The following DHRSX variants were observed in gnomAD, a reference collection of about 807,000 sequenced individuals.
DHRSX encodes the protein dehydrogenase/reductase X-linked, also known as polyprenol dehydrogenase.
In DHRSX, 31 loss-of-function variants were observed where a neutral mutation model predicts 34.0. That is an observed-to-expected ratio of 0.91 (90% CI 0.69 to 1.23). The LOEUF is 1.23. Among genes scored for constraint, DHRSX ranks in the 50% most tolerant of loss-of-function variants. The pLI is 0.00. For missense variants in DHRSX, 414 were observed against 428.1 expected (o/e 0.97, Z 0.29); for synonymous variants, 201 against 183.8 (o/e 1.09, Z -0.76).
intron 3 of DHRSX, among the ~76,000 whole-genome samples, chrX:2,363,736 C>CCACCA (rs2042966690): frequency 6.6e-6 from 1 of 151,768 alleles, no homozygotes; most frequent in African/African-American, 2.4e-5. Flanking sequence ...TGGTATCATG[C>CCACCA]TTCCATTTTA....
chrX:2,392,818 GAC>G (rs903456642), intron 3 of DHRSX, among the ~76,000 whole-genome samples: 31 of 53,904 alleles, frequency 5.8e-4, no homozygotes, highest in African/African-American at 2.3e-3. Flanking sequence ...TATTTATAAT[GAC>G]ACAAATATAA....
At chrX:2,479,514 C>T (rs2044737027) in intron 1 of DHRSX, among the ~76,000 whole-genome samples, 1 of 151,468 alleles carries the variant, frequency 6.6e-6, no homozygotes. Flanking sequence ...GAAGACATTC[C>T]GTAAGAATGC....
chrX:2,465,809 C>CAA lies in DHRSX; in HGVS notation c.109+35006_109+35007dup, dbSNP rs375728172. ...GGGCAACAAGAGCAAAACTCCATCG[C>CAA]AAAAAAAAAAAAAAAAAGAGAAAAG... is the stretch of plus-strand genomic sequence containing the variant. On this transcript the variant is annotated intron_variant, in intron 1 of 6. Transcript: ENST00000334651. Among the ~76,000 whole-genome samples, 70 of 84,710 alleles carry CAA rather than the reference C, an allele frequency of 8.3e-4. 1 individual carries two copies. Among genetic ancestry groups the CAA allele is most frequent in the African/African-American group, 2.7e-3 (60 of 22,150 alleles). 55.6% of individuals were successfully genotyped at this position (84,710 alleles called of 152,430 possible).
chrX:2,459,567 T>C (rs2044371603), intron 1 of DHRSX, among the ~76,000 whole-genome samples: 1 of 147,844 alleles, frequency 6.8e-6, no homozygotes, highest in Non-Finnish European at 1.5e-5. Context: ...TATATATATA[T>C]ATATATATAT....
At chrX:2,324,418 C>T (rs1235280168) in intron 3 of DHRSX, among the ~76,000 whole-genome samples, 2 of 152,196 alleles carry the variant, frequency 1.3e-5, no homozygotes, top group Non-Finnish European at 2.9e-5. Flanking sequence ...GCCCCCACTT[C>T]TTCAGCCTTC....
chrX:2,327,656 C>T (rs1331827931), intron 3 of DHRSX, among the ~76,000 whole-genome samples: 1 of 152,176 alleles, frequency 6.6e-6, no homozygotes, highest in Non-Finnish European at 1.5e-5. Context: ...TCCCAAATCC[C>T]TATGTTAAAG....
chrX:2,354,456 T>A (rs1004089943), intron 3 of DHRSX, among the ~76,000 whole-genome samples: 3 of 152,130 alleles, frequency 2.0e-5, no homozygotes, highest in Non-Finnish European at 2.9e-5. Flanking sequence ...TCCCTGCCCA[T>A]CCATCTTTTT....
chrX:2,312,321 AGGGAT>A (rs1252671645), intron 3 of DHRSX, among the ~76,000 whole-genome samples: 8 of 152,170 alleles, frequency 5.3e-5, no homozygotes, highest in Admixed American at 1.3e-4. Flanking sequence ...AATTAGAGTC[AGGGAT>A]GTTCGCTTCC....
intron 3 of DHRSX, among the ~76,000 whole-genome samples, chrX:2,304,332 G>A (rs1215266096): frequency 4.7e-5 from 7 of 147,788 alleles, no homozygotes; most frequent in Non-Finnish European, 9.1e-5. Flanking sequence ...TGGATGGATG[G>A]ATGAACTGAT....
chrX:2,400,145 G>A (rs757386732), intron 3 of DHRSX, among the ~76,000 whole-genome samples: 15 of 152,270 alleles, frequency 9.9e-5, no homozygotes, highest in African/African-American at 2.6e-4. Flanking sequence ...AATCGTTGGC[G>A]AACACATTCA....
chrX:2,364,149 A>C (rs2042971928), intron 3 of DHRSX, among the ~76,000 whole-genome samples: 2 of 152,192 alleles, frequency 1.3e-5, no homozygotes, highest in African/African-American at 2.4e-5. Flanking sequence ...ACTGCCATTG[A>C]ATGGTAGTAG....
chrX:2,473,977 G>A (rs1467482873), intron 1 of DHRSX, among the ~76,000 whole-genome samples: 1 of 151,174 alleles, frequency 6.6e-6, no homozygotes, highest in Admixed American at 6.6e-5. Flanking sequence ...GGTCAGCACG[G>A]TGGCTGGAGG....
intron 3 of DHRSX, among the ~76,000 whole-genome samples, chrX:2,292,664 C>T (rs770686026): frequency 3.3e-4 from 50 of 152,258 alleles, no homozygotes; most frequent in Non-Finnish European, 6.0e-4. Flanking sequence ...AGCCCTTCCA[C>T]GTTGCTGAAT....
intron 3 of DHRSX, among the ~76,000 whole-genome samples, chrX:2,291,878 TA>T (rs1225591093): frequency 2.0e-5 from 3 of 149,936 alleles, no homozygotes. Context: ...CAGGCCCAGC[TA>T]ATTTTTGTAT....
chrX:2,250,188 A>C (rs1321686111), intron 5 of DHRSX, among the ~76,000 whole-genome samples: 1 of 147,906 alleles, frequency 6.8e-6, no homozygotes, highest in Non-Finnish European at 1.5e-5. Context: ...AAAATTAAGC[A>C]TTGATTCAAA....
At chrX:2,500,330 G>A (rs2045385357) in intron 1 of DHRSX, 1 of 187,810 alleles carries the variant, frequency 5.3e-6, no homozygotes, top group African/African-American at 2.3e-5. Flanking sequence ...GGTAGGGGTC[G>A]AGGTCCCTGG....
At chrX:2,464,702 C>A (rs1297416647) in intron 1 of DHRSX, among the ~76,000 whole-genome samples, 1 of 150,968 alleles carries the variant, frequency 6.6e-6, no homozygotes, top group African/African-American at 2.4e-5. Context: ...CAAGGGAGGG[C>A]ACTGAAGACG....
Position 2,324,303 on chromosome X carries a change from G to C in DHRSX, c.287-32700C>G, listed in dbSNP as rs185616844. 2.4e-3 allele frequency among the ~76,000 whole-genome samples: 370 copies of C among 152,238 alleles called. 3 individuals carry two copies. The highest frequency in any genetic ancestry group is 0.014 in the Middle Eastern group (4 of 294). ...ACGGCGCTGCATGAAGCCTGTCTGT[G>C]AGTTTATGATGAAGCTGCACAGAGC... On this transcript the variant is annotated intron_variant, in intron 3 of 6. Coordinates refer to ENST00000334651, the MANE Select transcript of DHRSX (RefSeq NM_145177.3).
At chrX:2,348,925 C>A (rs1310816720) in intron 3 of DHRSX, among the ~76,000 whole-genome samples, 1 of 151,882 alleles carries the variant, frequency 6.6e-6, no homozygotes, top group African/African-American at 2.4e-5. Context: ...AACTCCTGAC[C>A]TCAGGTGCTC....
Sources: gnomAD v4.1 joint callset for allele counts (sites outside exome capture counted in the v4.1 genomes callset) on GRCh38, gnomAD v4.1.1 for gene constraint, MANE v1.5 for transcripts, NCBI Gene and HGNC (gene_info 2026-07-23, HGNC 2026-07-21) for gene names.